The following DLGAP2 variants were observed in gnomAD, a reference collection of about 807,000 sequenced individuals.
DLGAP2 encodes DLG associated protein 2, also known as disks large-associated protein 2.
In DLGAP2, 26 loss-of-function variants were observed where a neutral mutation model predicts 100.3. The observed-to-expected ratio is 0.26, with a 90% confidence interval of 0.19 to 0.36. The LOEUF is 0.36. Among genes scored for constraint, DLGAP2 ranks in the 10% least tolerant of loss-of-function variants. The pLI is 1.00. For synonymous variants in DLGAP2, 886 were observed against 630.1 expected, an observed-to-expected ratio of 1.41 and a Z score of -6.08; for missense variants, 1,858 against 1,453.2, an observed-to-expected ratio of 1.28 and a Z score of -4.53.
chr8:1,003,694 G>A (rs762131498), intron 2 of DLGAP2, among the ~76,000 whole-genome samples: 1 of 152,210 alleles, frequency 6.6e-6, no homozygotes, highest in Non-Finnish European at 1.5e-5. Flanking sequence ...ACACAGGGCA[G>A]GTGGGGCTGG....
At chr8:1,235,553 C>CAT (rs1223203684) in intron 2 of DLGAP2, among the ~76,000 whole-genome samples, 4 of 11,892 alleles carry the variant, frequency 3.4e-4, no homozygotes, top group Non-Finnish European at 2.5e-4. Context: ...TCACATGGCG[C>CAT]CATGTCTAGT....
chr8:861,921 C>A (rs1180793830), intron 1 of DLGAP2, among the ~76,000 whole-genome samples: 1 of 152,188 alleles, frequency 6.6e-6, no homozygotes, highest in Non-Finnish European at 1.5e-5. Context: ...TAAGTAAATG[C>A]AAATTGTCCT....
chr8:821,399 C>G (rs1272042478), intron 1 of DLGAP2, among the ~76,000 whole-genome samples: 1 of 152,154 alleles, frequency 6.6e-6, no homozygotes, highest in Non-Finnish European at 1.5e-5. Context: ...CTTTATCAAC[C>G]TAATAAGTCT....
chr8:1,252,724 C>T (rs150887783), intron 2 of DLGAP2, among the ~76,000 whole-genome samples: 1,864 of 152,356 alleles, frequency 0.012, 37 homozygotes, highest in African/African-American at 0.042. Flanking sequence ...GCCATGGCGG[C>T]CAGGCAGGCC....
chr8:914,233 C>T (rs138522652), intron 2 of DLGAP2, among the ~76,000 whole-genome samples: 387 of 152,164 alleles, frequency 2.5e-3, no homozygotes, highest in African/African-American at 8.3e-3. Flanking sequence ...AGGGAGGAAG[C>T]GAAGGCAGAT....
intron 2 of DLGAP2, among the ~76,000 whole-genome samples, chr8:1,145,166 A>G (rs1027762674): frequency 2.0e-5 from 3 of 152,130 alleles, no homozygotes; most frequent in Non-Finnish European, 4.4e-5. Flanking sequence ...GCAACCAGAA[A>G]CACAACTTTC....
At chr8:1,276,606 C>G (rs1042949098) in intron 3 of DLGAP2, among the ~76,000 whole-genome samples, 1 of 152,056 alleles carries the variant, frequency 6.6e-6, no homozygotes, top group Non-Finnish European at 1.5e-5. Context: ...CCAGGAAGCC[C>G]AAAGGTGGTG....
At chr8:1,547,774 G>A (rs1345854192) in intron 4 of DLGAP2, among the ~76,000 whole-genome samples, 1 of 152,182 alleles carries the variant, frequency 6.6e-6, no homozygotes, top group Non-Finnish European at 1.5e-5. Flanking sequence ...GACACAGGGA[G>A]GAGTCAAGCG....
intron 3 of DLGAP2, among the ~76,000 whole-genome samples, chr8:1,267,522 G>A (rs1347271478): frequency 2.7e-5 from 4 of 149,126 alleles, no homozygotes; most frequent in South Asian, 2.1e-4. Flanking sequence ...TTGTGCCACT[G>A]CACTCCAGCC....
At chr8:1,266,618 A>G (rs1799456078) in intron 3 of DLGAP2, among the ~76,000 whole-genome samples, 1 of 152,162 alleles carries the variant, frequency 6.6e-6, no homozygotes, top group African/African-American at 2.4e-5. Context: ...CCACATATGA[A>G]ATATGCACCC....
At chr8:1,595,315 A>C (rs959570826) in intron 6 of DLGAP2, among the ~76,000 whole-genome samples, 17 of 152,106 alleles carry the variant, frequency 1.1e-4, no homozygotes, top group African/African-American at 3.9e-4. Flanking sequence ...AATAACATAC[A>C]AAAGAGAAGA....
chr8:755,817 G>A (rs577853830), intron 1 of DLGAP2, among the ~76,000 whole-genome samples: 12 of 152,350 alleles, frequency 7.9e-5, no homozygotes, highest in Middle Eastern at 3.4e-3. Context: ...GCTGGGTGTT[G>A]GCTGGGAAGC....
intron 2 of DLGAP2, among the ~76,000 whole-genome samples, chr8:1,218,312 C>G (rs1798251612): frequency 6.6e-6 from 1 of 152,148 alleles, no homozygotes; most frequent in African/African-American, 2.4e-5. Context: ...ATATGGGTAG[C>G]CAGCTATTCC....
intron 3 of DLGAP2, among the ~76,000 whole-genome samples, chr8:1,492,748 T>C (rs1038502559): frequency 6.6e-6 from 1 of 152,172 alleles, no homozygotes; most frequent in Non-Finnish European, 1.5e-5. Context: ...TCCATGCTCA[T>C]GGCGACGCAG....
chr8:788,612 A>G (rs1476021279), intron 1 of DLGAP2, among the ~76,000 whole-genome samples: 1 of 152,242 alleles, frequency 6.6e-6, no homozygotes, highest in Non-Finnish European at 1.5e-5. Context: ...AAGGTGAAGT[A>G]TCTCAGCTTG....
intron 2 of DLGAP2, among the ~76,000 whole-genome samples, chr8:1,048,967 C>A (rs976960099): frequency 6.6e-6 from 1 of 152,172 alleles, no homozygotes; most frequent in Non-Finnish European, 1.5e-5. Flanking sequence ...CTGAGCCACA[C>A]CAGCTTTCGG....
intron 2 of DLGAP2, among the ~76,000 whole-genome samples, chr8:1,230,297 C>T (rs1798509307): frequency 1.3e-5 from 2 of 151,900 alleles, no homozygotes; most frequent in African/African-American, 4.8e-5. Flanking sequence ...CCTAGTAATA[C>T]ATCTAACTCG....
intron 2 of DLGAP2, among the ~76,000 whole-genome samples, chr8:1,070,034 T>C (rs1272012668): frequency 1.3e-5 from 2 of 152,246 alleles, no homozygotes; most frequent in African/African-American, 4.8e-5. Flanking sequence ...CTTAAAAGTA[T>C]GTGTTTCTGG....
intron 1 of DLGAP2, among the ~76,000 whole-genome samples, chr8:870,092 G>C (rs903703633): frequency 1.3e-5 from 2 of 151,598 alleles, no homozygotes; most frequent in Admixed American, 6.6e-5. Context: ...CCATTTTGTA[G>C]CTACAAAACT....
Sources: allele counts gnomAD v4.1 joint callset (sites outside exome capture counted in the v4.1 genomes callset), GRCh38; gene constraint gnomAD v4.1.1; transcripts MANE v1.5; gene names NCBI Gene and HGNC (gene_info 2026-07-23, HGNC 2026-07-21).